Variants in PSMG4 observed in about 807,000 individuals in gnomAD.
The protein encoded by PSMG4 is proteasome assembly chaperone 4.
In PSMG4, 10 loss-of-function variants were observed where a neutral mutation model predicts 11.0. That is an observed-to-expected ratio of 0.91 (90% CI 0.56 to 1.54). The LOEUF is 1.54. Ranked by LOEUF, PSMG4 falls within the 40% of genes most tolerant of loss-of-function variation. The pLI is 0.00. For missense variants in PSMG4, 198 were observed against 160.9 expected (o/e 1.23, Z -1.25); for synonymous variants, 95 against 71.3 (o/e 1.33, Z -1.68).
upstream of PSMG4, among the ~76,000 whole-genome samples, chr6:3,255,413 T>C (rs950439264): frequency 6.6e-6 from 1 of 151,710 alleles, no homozygotes; most frequent in African/African-American, 2.4e-5. Context: ...ATTTTCACAC[T>C]TCGTGGACAC....
intron 2 of PSMG4, 146 bp downstream of exon 2, chr6:3,263,905 G>A (rs1397206465): frequency 1.2e-5 from 17 of 1,443,602 alleles, no homozygotes; most frequent in Non-Finnish European, 1.2e-5. Flanking sequence ...ACCTTTGCAC[G>A]TTGGGTCTTA....
upstream of PSMG4, among the ~76,000 whole-genome samples, chr6:3,256,981 A>C (rs1479220774): frequency 2.0e-5 from 3 of 152,168 alleles, no homozygotes; most frequent in African/African-American, 7.2e-5. Flanking sequence ...GTGAAAGGAC[A>C]GGGTCAGAGC....
At position 3,263,724 on chromosome 6, in the gene PSMG4, C is replaced by A. The variant is rs1424461688; in HGVS notation, c.215C>A (p.Ser72Tyr). ...TCTACCTCCCTCCTTGGAGACACTT[C>A]CGACACGACCTCTACTGGCCTTGCC... Reference protein sequence around the residue: ...PVSTSLLGDTSDTTSTGLAQR... With the variant: ...PVSTSLLGDTYDTTSTGLAQR... The change falls in exon 2 of 3, where the codon TCC becomes TAC. Residue 72 changes from serine (S) to tyrosine (Y), a missense_variant. By Grantham distance (144) the Ser-to-Tyr change is moderately radical. Transcript: ENST00000438998. 7 of 1,551,074 alleles carry A rather than the reference C, an allele frequency of 4.5e-6. No homozygotes were observed. The highest frequency in any genetic ancestry group is 6.1e-6 in the Non-Finnish European group (7 of 1,146,714).
chr6:3,259,776 G>A (rs11964940), intron 1 of PSMG4, among the ~76,000 whole-genome samples: 25,472 of 151,990 alleles, frequency 0.17, 5,177 homozygotes, highest in African/African-American at 0.49. Flanking sequence ...CAAAACCCAA[G>A]CCGCCCTCAC....
chr6:3,255,415 C>A (rs146667633), upstream of PSMG4, among the ~76,000 whole-genome samples: 147 of 151,526 alleles, frequency 9.7e-4, 2 homozygotes, highest in African/African-American at 3.3e-3. Context: ...TTTCACACTT[C>A]GTGGACACTC....
chr6:3,264,211 C>G, intron 2 of PSMG4: 3 of 1,551,580 alleles, frequency 1.9e-6, no homozygotes, highest in Non-Finnish European at 2.6e-6. Flanking sequence ...CCGTTCAGGG[C>G]TCGGAGGGAA....
chr6:3,254,686 A>G (rs577163773), upstream of PSMG4, among the ~76,000 whole-genome samples: 1 of 152,100 alleles, frequency 6.6e-6, no homozygotes, highest in African/African-American at 2.4e-5. Flanking sequence ...CACTAAACTC[A>G]ACAGAAAGAA....
At chr6:3,255,210 C>T (rs1347553286), upstream of PSMG4, 7 of 1,550,178 alleles carry the variant, frequency 4.5e-6, no homozygotes, top group Non-Finnish European at 5.2e-6. Flanking sequence ...TTGGTGGCAG[C>T]AGGAGCAAAA....
intron 2 of PSMG4, chr6:3,266,598 C>G (rs17136341): frequency 0.83 from 126,069 of 151,794 alleles, 52,619 homozygotes; most frequent in Non-Finnish European, 0.87. Flanking sequence ...CTTTCAGATT[C>G]CAGGTGTATG....
intron 2 of PSMG4, 147 bp downstream of exon 2, chr6:3,263,906 T>C (rs1758088255): frequency 2.1e-6 from 3 of 1,443,702 alleles, no homozygotes; most frequent in Non-Finnish European, 2.8e-6. Context: ...CCTTTGCACG[T>C]TGGGTCTTAT....
chr6:3,260,788 T>C (rs1757962032), intron 1 of PSMG4, among the ~76,000 whole-genome samples: 1 of 152,196 alleles, frequency 6.6e-6, no homozygotes, highest in Admixed American at 6.5e-5. Flanking sequence ...AACAGAATGA[T>C]AGTTTTAAGA....
chr6:3,260,830 A>C lies in PSMG4; in HGVS notation c.174+1634A>C, dbSNP rs376801538. On this transcript the variant is annotated intron_variant, in intron 1 of 2. Transcript: ENST00000438998. ...TTGGATATTTTCATTTCTCTGCTCA[A>C]AACCTTTCACGAGGTGAACTCGGAG... Among the ~76,000 whole-genome samples, 20 of 152,210 alleles carry C rather than the reference A, an allele frequency of 1.3e-4. No individual in the cohort carries two copies. The East Asian group carries it at 1.7e-3, about 13-fold the overall frequency.
upstream of PSMG4, among the ~76,000 whole-genome samples, chr6:3,254,675 C>T (rs116132210): frequency 6.8e-4 from 103 of 152,190 alleles, 1 homozygote; most frequent in East Asian, 3.9e-3. Context: ...AGCTGCGAAA[C>T]CACTAAACTC....
upstream of PSMG4, chr6:3,255,372 A>T (rs550138232): frequency 4.2e-6 from 6 of 1,423,830 alleles, no homozygotes; most frequent in African/African-American, 7.2e-5. Context: ...CCTGTGGTGG[A>T]TGATGTTTGT....
At chr6:3,263,646 G>A (rs1758076202) in intron 1 of PSMG4, 38 bp from the exon 2 acceptor site, 1 of 1,485,616 alleles carries the variant, frequency 6.7e-7, no homozygotes, top group East Asian at 2.5e-5. Flanking sequence ...CCTGCGGGGG[G>A]TGGAGAAGCT....
In PSMG4 at chr6:3,259,173, G is replaced by C; in HGVS notation, c.151G>C (p.Ala51Pro). 1 of 1,309,532 alleles carries C rather than the reference G, an allele frequency of 7.6e-7. No individual in the cohort carries two copies. Among genetic ancestry groups the C allele is most frequent in the South Asian group, 2.4e-5 (1 of 42,426 alleles). The allele number at this position is 1,309,532 out of a possible 1,614,324, so 81.1% of individuals were successfully genotyped here. Residue 51 changes from alanine to proline, a missense_variant, in exon 1 of 3, where the codon GCC (alanine) becomes CCC (proline). By Grantham distance (27) the Ala-to-Pro change is conservative. Coordinates refer to ENST00000438998, the MANE Select transcript of PSMG4 (RefSeq NM_001128591.2). ...VGATPHLRNL[A>P]VAMCSRYDSI... The stretch of plus-strand genomic sequence containing the variant: ...GGCCACGCCGCACCTGCGCAACCTC[G>C]CCGTGGCCATGTGCAGCCGCTACGT...
upstream of PSMG4, among the ~76,000 whole-genome samples, chr6:3,254,740 GTGCCTCTTT>G (rs1240266140): frequency 6.6e-6 from 1 of 152,046 alleles, no homozygotes; most frequent in Non-Finnish European, 1.5e-5. Context: ...AACTCCCCCT[GTGCCTCTTT>G]TAAAAACTGT....
chr6:3,264,371 G>A, intron 2 of PSMG4: 1 of 1,533,674 alleles, frequency 6.5e-7, no homozygotes. Context: ...AGTGCCTGTG[G>A]CCAGTGTGCA....
upstream of PSMG4, among the ~76,000 whole-genome samples, chr6:3,254,602 C>G (rs551376175): frequency 1.3e-5 from 2 of 152,122 alleles, no homozygotes; most frequent in East Asian, 1.9e-4. Context: ...GTAAATAATT[C>G]CAGTAGGCGT....
Sources: gnomAD v4.1 joint callset for allele counts (sites outside exome capture counted in the v4.1 genomes callset) on GRCh38, gnomAD v4.1.1 for gene constraint, MANE v1.5 for transcripts, NCBI Gene and HGNC (gene_info 2026-07-23, HGNC 2026-07-21) for gene names.